Variants in CAMK1D observed in about 807,000 individuals in gnomAD.
CAMK1D encodes the protein calcium/calmodulin-dependent protein kinase type 1D.
Under a neutral mutation model 47.7 loss-of-function variants are expected in CAMK1D, and 9 were observed. That is an observed-to-expected ratio of 0.19 (90% CI 0.11 to 0.33). The LOEUF is 0.33. Ranked by LOEUF, CAMK1D falls within the 10% of genes least tolerant of loss-of-function variation. CAMK1D has a pLI of 1.00. For synonymous variants in CAMK1D, 184 were observed against 184.9 expected, an observed-to-expected ratio of 0.99 and a Z score of 0.04; for missense variants, 291 against 488.7, an observed-to-expected ratio of 0.60 and a Z score of 3.81.
intron 3 of CAMK1D, among the ~76,000 whole-genome samples, chr10:12,672,009 C>T (rs369652375): frequency 4.7e-5 from 7 of 150,468 alleles, no homozygotes; most frequent in African/African-American, 7.4e-5. Context: ...TGTGCCTCTC[C>T]GGTTCATGCC....
chr10:12,667,206 G>T (rs1345304159), intron 3 of CAMK1D, among the ~76,000 whole-genome samples: 1 of 152,222 alleles, frequency 6.6e-6, no homozygotes, highest in Non-Finnish European at 1.5e-5. Flanking sequence ...CCTTTCCAGG[G>T]ATGCCGGGGG....
intron 4 of CAMK1D, among the ~76,000 whole-genome samples, chr10:12,764,988 C>T (rs1359349551): frequency 9.2e-5 from 14 of 151,850 alleles, no homozygotes; most frequent in Admixed American, 4.6e-4. Context: ...CCAGCTACTC[C>T]GGAGGCTGAG....
intron 1 of CAMK1D, among the ~76,000 whole-genome samples, chr10:12,365,561 C>T (rs960982187): frequency 3.3e-5 from 5 of 152,104 alleles, no homozygotes; most frequent in African/African-American, 1.2e-4. Context: ...GCCTCAGCCT[C>T]CCGAGTAGCT....
chr10:12,730,594 G>C (rs1834842972), intron 3 of CAMK1D, among the ~76,000 whole-genome samples: 1 of 152,172 alleles, frequency 6.6e-6, no homozygotes, highest in Non-Finnish European at 1.5e-5. Flanking sequence ...AGTAGACAGA[G>C]GGAAGGGCTA....
intron 2 of CAMK1D, among the ~76,000 whole-genome samples, chr10:12,617,437 A>G (rs916689865): frequency 6.6e-6 from 1 of 152,206 alleles, no homozygotes; most frequent in African/African-American, 2.4e-5. Context: ...CCCAGAATAA[A>G]TTAGCAGCAG....
At chr10:12,690,370 G>A (rs924930743) in intron 3 of CAMK1D, among the ~76,000 whole-genome samples, 6 of 152,144 alleles carry the variant, frequency 3.9e-5, no homozygotes, top group East Asian at 3.8e-4. Context: ...TTGGAGAGAC[G>A]CAGCCTCCAG....
At chr10:12,540,914 A>G (rs1398954816) in intron 1 of CAMK1D, among the ~76,000 whole-genome samples, 5 of 137,556 alleles carry the variant, frequency 3.6e-5, no homozygotes, top group Non-Finnish European at 7.8e-5. Context: ...TGAGAACCTG[A>G]GTTATAGGTT....
At chr10:12,392,016 C>CACAA (rs1838752074) in intron 1 of CAMK1D, among the ~76,000 whole-genome samples, 3 of 137,468 alleles carry the variant, frequency 2.2e-5, no homozygotes, top group African/African-American at 8.2e-5. Flanking sequence ...CACACACACA[C>CACAA]AAACAGTCTG....
intron 1 of CAMK1D, among the ~76,000 whole-genome samples, chr10:12,396,793 T>C (rs942474066): frequency 6.6e-6 from 1 of 152,138 alleles, no homozygotes; most frequent in Non-Finnish European, 1.5e-5. Flanking sequence ...CGTGGCCATG[T>C]CCACGTCCAC....
At chr10:12,649,092 T>C (rs1051930411) in intron 2 of CAMK1D, among the ~76,000 whole-genome samples, 1 of 152,216 alleles carries the variant, frequency 6.6e-6, no homozygotes, top group Non-Finnish European at 1.5e-5. Flanking sequence ...GGTCTTGACC[T>C]CCTGGCTTCA....
chr10:12,592,554 C>A (rs1307074787), intron 2 of CAMK1D, among the ~76,000 whole-genome samples: 1 of 148,992 alleles, frequency 6.7e-6, no homozygotes, highest in African/African-American at 2.4e-5. Context: ...CCCACCCAAC[C>A]CCCCATTCTC....
At chr10:12,612,615 G>A (rs1000218016) in intron 2 of CAMK1D, among the ~76,000 whole-genome samples, 9 of 152,154 alleles carry the variant, frequency 5.9e-5, no homozygotes, top group Non-Finnish European at 1.3e-4. Flanking sequence ...GTTCCTAGTA[G>A]AGGAAGAAGA....
At chr10:12,555,255 G>A (rs182328022) in intron 2 of CAMK1D, among the ~76,000 whole-genome samples, 82 of 152,266 alleles carry the variant, frequency 5.4e-4, no homozygotes, top group African/African-American at 1.9e-3. Context: ...ACCCAACGAT[G>A]TTCAGCCATC....
At chr10:12,672,665 C>T (rs774346993) in intron 3 of CAMK1D, among the ~76,000 whole-genome samples, 5 of 152,004 alleles carry the variant, frequency 3.3e-5, no homozygotes, top group East Asian at 3.9e-4. Context: ...GCCACTGTGC[C>T]GGGTCAGCTT....
At chr10:12,749,403 A>G (rs1287430087) in intron 3 of CAMK1D, among the ~76,000 whole-genome samples, 1 of 148,044 alleles carries the variant, frequency 6.8e-6, no homozygotes. Context: ...ATTTTCCTCT[A>G]TACTAAATGT....
At chr10:12,735,242 C>T (rs1306543584) in intron 3 of CAMK1D, among the ~76,000 whole-genome samples, 1 of 151,978 alleles carries the variant, frequency 6.6e-6, no homozygotes, top group Non-Finnish European at 1.5e-5. Flanking sequence ...TTTGGGAGGC[C>T]GAGGCGGGCG....
intron 5 of CAMK1D, among the ~76,000 whole-genome samples, chr10:12,771,058 T>C (rs529997268): frequency 3.9e-5 from 6 of 152,098 alleles, no homozygotes; most frequent in African/African-American, 1.2e-4. Context: ...GCCTCCCGAG[T>C]ACCTGGGATT....
At chr10:12,588,698 G>T (rs1837894558) in intron 2 of CAMK1D, among the ~76,000 whole-genome samples, 1 of 151,868 alleles carries the variant, frequency 6.6e-6, no homozygotes, top group Admixed American at 6.6e-5. Context: ...AAAACCACAA[G>T]CCATGTTGCC....
At chr10:12,584,989 A>G (rs1297401466) in intron 2 of CAMK1D, among the ~76,000 whole-genome samples, 1 of 152,202 alleles carries the variant, frequency 6.6e-6, no homozygotes, top group African/African-American at 2.4e-5. Flanking sequence ...AGTCACATAT[A>G]GATTTAAAAG....
Sources: gnomAD v4.1 joint callset for allele counts (sites outside exome capture counted in the v4.1 genomes callset) on GRCh38, gnomAD v4.1.1 for gene constraint, MANE v1.5 for transcripts, NCBI Gene and HGNC (gene_info 2026-07-23, HGNC 2026-07-21) for gene names.